The following EZR variants were observed in gnomAD, a reference collection of about 807,000 sequenced individuals.
EZR encodes the protein cytovillin 2.
A neutral mutation model predicts 74.8 loss-of-function variants in EZR; 40 were observed. The observed-to-expected ratio is 0.53, with a 90% confidence interval of 0.42 to 0.70. The LOEUF is 0.70. Among genes scored for constraint, EZR ranks in the 30% least tolerant of loss-of-function variants. The probability of loss-of-function intolerance (pLI) is 0.00; values close to 1 mark genes in which losing one functional copy is unlikely to be tolerated. For missense variants in EZR, 678 were observed against 755.8 expected (o/e 0.90, Z 1.21); for synonymous variants, 341 against 283.3 (o/e 1.20, Z -2.05).
In EZR at chr6:158,803,582, CATATATATATAT is replaced by C. The variant is rs60495898; in HGVS notation, c.13-14223_13-14212del. On this transcript the variant is annotated intron_variant, in intron 2 of 13. Transcript: ENST00000367075. ...ATATATATATATATATATATATATA[CATATATATATAT>C]ATATATATATACATATATATATATA... 1.2e-3 allele frequency among the ~76,000 whole-genome samples: 51 copies of C among 43,668 alleles called. 4 individuals are homozygous for C. The highest frequency in any genetic ancestry group is 3.1e-3 in the African/African-American group (47 of 15,068). 28.6% of individuals were successfully genotyped at this position (43,668 alleles called of 152,430 possible).
Position 158,776,500 on chromosome 6 carries a change from T to C in EZR, c.703A>G (p.Thr235Ala), listed in dbSNP as rs766999471. The change falls in exon 8 of 14, where the codon ACC (threonine) becomes GCC (alanine). Residue 235 changes from threonine to alanine, a missense_variant. Coordinates refer to ENST00000367075, the MANE Select transcript of EZR (RefSeq NM_001111077.2). ...CTCCAAGGAAAGCCAATCTTTGGGG[T>C]TAACCTGAGGTTAAAAAGAAGAAGT... Reference protein sequence around the residue: ...LNIYEKDDKLTPKIGFPWSEI... With the variant: ...LNIYEKDDKLAPKIGFPWSEI... The C allele has an allele frequency of 1.9e-6, 3 of 1,611,360 alleles. No homozygotes were observed. The highest frequency in any genetic ancestry group is 2.5e-6 in the Non-Finnish European group (3 of 1,178,888).
chr6:158,775,758 A>G (rs1583560652), intron 8 of EZR, among the ~76,000 whole-genome samples: 1 of 152,264 alleles, frequency 6.6e-6, no homozygotes, highest in African/African-American at 2.4e-5. Context: ...AAATATTCTG[A>G]GTTAACAAAA....
chr6:158,767,322 C>T lies in EZR; in HGVS notation c.1535G>A (p.Arg512His), dbSNP rs748599655. The change falls in exon 13 of 14, where the codon CGC becomes CAC. Residue 512 changes from arginine to histidine, a missense_variant. Arg to His is a conservative substitution (Grantham distance 29). Coordinates refer to ENST00000367075, the MANE Select transcript of EZR (RefSeq NM_001111077.2). The stretch of plus-strand genomic sequence containing the variant: ...CTCAGTGATGCGCTTCTCCTCATTG[C>T]GGTCATCCCGGATGCCCTCACTAGA... ...ELSSEGIRDD[R>H]NEEKRITEAE... The T allele has an allele frequency of 5.6e-6, 9 of 1,614,010 alleles. No individual in the cohort carries two copies. The highest frequency in any genetic ancestry group is 6.8e-6 in the Non-Finnish European group (8 of 1,180,016).
At chr6:158,782,387 C>T (rs1032377472) in intron 7 of EZR, among the ~76,000 whole-genome samples, 2 of 152,162 alleles carry the variant, frequency 1.3e-5, no homozygotes, top group African/African-American at 4.8e-5. Context: ...TTGGGGGAAC[C>T]TGAGATGTGG....
intron 2 of EZR, among the ~76,000 whole-genome samples, chr6:158,816,451 T>TC (rs1777555988): frequency 6.6e-6 from 1 of 152,176 alleles, no homozygotes; most frequent in African/African-American, 2.4e-5. Context: ...GCTCTGCACC[T>TC]CTTCTTTTAG....
chr6:158,776,133 T>C (rs540500560), intron 8 of EZR, among the ~76,000 whole-genome samples: 1 of 152,266 alleles, frequency 6.6e-6, no homozygotes, highest in East Asian at 1.9e-4. Flanking sequence ...ACAGGCTGGC[T>C]CTCCACACCA....
rs2128564261 is a variant in EZR, at chr6:158,769,418, C to T, written c.1252G>A (p.Ala418Thr). ...GCAGTGTATTCTGCAAGCTCCGCAG[C>T]CTGGGAAGGGAATGCCAAGCTCACG... ...VDQIKSQEQL[A>T]AELAEYTAKI... The change falls in exon 12 of 14, where the codon GCT becomes ACT. Residue 418 changes from alanine (A) to threonine (T), a missense_variant and splice_region_variant. Around this residue, in one of 3 missense-constraint regions of EZR, gnomAD observed 342 missense variants for 341.2 expected, o/e 1.00. Transcript: ENST00000367075. 1 of 1,605,164 alleles carries T rather than the reference C, an allele frequency of 6.2e-7. No homozygotes were observed.
intron 8 of EZR, among the ~76,000 whole-genome samples, chr6:158,775,738 C>T (rs1248660588): frequency 1.3e-5 from 2 of 152,180 alleles, no homozygotes; most frequent in South Asian, 2.1e-4. Flanking sequence ...CAGTTATGTG[C>T]GTATGTCTCA....
At chr6:158,781,396 C>A (rs1259716999) in intron 7 of EZR, among the ~76,000 whole-genome samples, 2 of 152,156 alleles carry the variant, frequency 1.3e-5, no homozygotes, top group Non-Finnish European at 2.9e-5. Context: ...TTGCCACGTT[C>A]ATCGCTCAAT....
Position 158,771,308 on chromosome 6 carries a change from T to C in EZR, c.895A>G (p.Thr299Ala). 6.2e-7 allele frequency: 1 copy of C among 1,614,180 alleles called. No individual in the cohort carries two copies. Among genetic ancestry groups the C allele is most frequent in the Non-Finnish European group, 8.5e-7 (1 of 1,180,010 alleles). ...GCCTTCATCTGCTGCACCTCGATGG[T>C]GTCAGGCTTCCTGCGGCGCATATAC... Reference protein sequence around the residue: ...ELYMRRRKPDTIEVQQMKAQA... With the variant: ...ELYMRRRKPDAIEVQQMKAQA... Residue 299 changes from threonine (T) to alanine (A), a missense_variant, in exon 9 of 14, where the codon ACC becomes GCC. Physicochemically the swap from Thr to Ala is moderately conservative, Grantham distance 58 (BLOSUM62 0). Transcript: ENST00000367075.
chr6:158,791,735 G>GAA (rs1791754807), intron 2 of EZR, among the ~76,000 whole-genome samples: 1 of 70,964 alleles, frequency 1.4e-5, no homozygotes, highest in African/African-American at 5.0e-5. Context: ...TTGAGACAGA[G>GAA]TCTTTCTCTG....
intron 2 of EZR, among the ~76,000 whole-genome samples, chr6:158,799,386 A>C (rs1777144774): frequency 1.3e-5 from 2 of 152,218 alleles, no homozygotes; most frequent in Non-Finnish European, 1.5e-5. Context: ...TGCCATCAGG[A>C]AAACGCAAAA....
chr6:158,790,595 A>C (rs1404275578), intron 2 of EZR, among the ~76,000 whole-genome samples: 2 of 152,064 alleles, frequency 1.3e-5, no homozygotes, highest in Non-Finnish European at 2.9e-5. Flanking sequence ...AATCGCTTGA[A>C]CCCAGGAGGC....
intron 2 of EZR, among the ~76,000 whole-genome samples, chr6:158,809,940 C>A (rs1777417872): frequency 6.6e-6 from 1 of 152,138 alleles, no homozygotes; most frequent in Non-Finnish European, 1.5e-5. Context: ...GTTTACCTAC[C>A]CCATCCTAAA....
intron 2 of EZR, among the ~76,000 whole-genome samples, chr6:158,801,393 CAA>C: frequency 6.6e-6 from 1 of 151,948 alleles, no homozygotes; most frequent in African/African-American, 2.4e-5. Flanking sequence ...CAAAAACAAA[CAA>C]AAAAAATCTG....
intron 11 of EZR, 39 bp from the exon 12 acceptor site, chr6:158,769,457 C>T (rs747120907): frequency 1.3e-6 from 2 of 1,583,500 alleles, no homozygotes; most frequent in South Asian, 2.2e-5. Flanking sequence ...GTTCTGATAT[C>T]CTTTCAACGG....
intron 2 of EZR, among the ~76,000 whole-genome samples, chr6:158,799,888 T>G (rs1777154748): frequency 6.6e-6 from 1 of 152,242 alleles, no homozygotes. Context: ...TAACTTTGTT[T>G]CCATGTATTA....
intron 2 of EZR, among the ~76,000 whole-genome samples, chr6:158,800,476 G>A (rs1777165217): frequency 1.3e-5 from 2 of 152,312 alleles, no homozygotes; most frequent in South Asian, 4.1e-4. Context: ...TGTCCTTGTT[G>A]ACTTTTAGGA....
chr6:158,790,569 G>A (rs1354401035), intron 2 of EZR, among the ~76,000 whole-genome samples: 1 of 152,240 alleles, frequency 6.6e-6, no homozygotes, highest in Non-Finnish European at 1.5e-5. Flanking sequence ...AGCTACTTGG[G>A]AGGCTGAGGC....
Sources: allele counts gnomAD v4.1 joint callset (sites outside exome capture counted in the v4.1 genomes callset), GRCh38; gene constraint gnomAD v4.1.1; regional missense constraint gnomAD v4.1.1; transcripts MANE v1.5; gene names NCBI Gene and HGNC (gene_info 2026-07-23, HGNC 2026-07-21).